GLS: variants seen among roughly 807,000 people sequenced by gnomAD.
GLS encodes glutaminase, also known as glutaminase kidney isoform, mitochondrial.
Under a neutral mutation model 86.7 loss-of-function variants are expected in GLS, and 36 were observed. That is an observed-to-expected ratio of 0.42 (90% CI 0.32 to 0.55). The LOEUF is 0.55. Ranked by LOEUF, GLS falls within the 20% of genes least tolerant of loss-of-function variation. The pLI, the probability that GLS is intolerant of heterozygous loss-of-function variation, is 0.17. For missense variants in GLS, 528 were observed against 833.4 expected (o/e 0.63, Z 4.51); for synonymous variants, 317 against 305.9 (o/e 1.04, Z -0.38).
rs2124852403 is a variant in GLS at position 190,905,233 on chromosome 2, T to A, written c.979+66T>A. 1.1e-6 allele frequency: 1 copy of A among 945,470 alleles called. No homozygotes were observed. Among genetic ancestry groups the A allele is most frequent in the East Asian group, 2.6e-5 (1 of 38,362 alleles). 58.6% of individuals were successfully genotyped at this position (945,470 alleles called of 1,614,324 possible). On this transcript the variant is annotated intron_variant, in intron 6 of 17. Transcript: ENST00000320717. The surrounding 1 kb of genome is among the most constrained non-coding windows in gnomAD (Gnocchi z 4.6). ...CATTTTCCTATGTAAATCTAAGTCGTTTTAAACATTTTTTGATTAAAATTA... is the reference window on the plus strand; with the variant it reads ...CATTTTCCTATGTAAATCTAAGTCGATTTAAACATTTTTTGATTAAAATTA...
chr2:190,917,403 T>C (rs1347484947), intron 7 of GLS, among the ~76,000 whole-genome samples: 1 of 152,208 alleles, frequency 6.6e-6, no homozygotes, highest in African/African-American at 2.4e-5. Context: ...TTCCATCACA[T>C]GTGTGGTTAC....
intron 14 of GLS, among the ~76,000 whole-genome samples, chr2:190,941,385 T>A (rs1222986008): frequency 1.3e-5 from 2 of 152,214 alleles, no homozygotes; most frequent in African/African-American, 2.4e-5. Context: ...ATGTAGTTAC[T>A]AATAAAACTA....
rs1316289196 is a variant in GLS at position 190,901,991 on chromosome 2, G to T, written c.780G>T (p.Leu260Phe). 3.1e-6 allele frequency: 5 copies of T among 1,611,874 alleles called. No individual in the cohort carries two copies. The highest frequency in any genetic ancestry group is 1.6e-4 in the Middle Eastern group (1 of 6,076). The stretch of plus-strand genomic sequence containing the variant: ...AACTGGCCAAATTCAGTCCCGATTT[G>T]TGGGGTGTGTCTGTTTGTACAGTAG... ...IPQLAKFSPD[L>F]WGVSVCTVDG... Residue 260 changes from leucine to phenylalanine, a missense_variant, in exon 5 of 18, where the codon TTG (leucine) becomes TTT (phenylalanine). Transcript: ENST00000320717.
intron 6 of GLS, among the ~76,000 whole-genome samples, chr2:190,909,495 C>T (rs1417112792): frequency 1.3e-5 from 2 of 152,074 alleles, no homozygotes; most frequent in Non-Finnish European, 2.9e-5. Flanking sequence ...TTCTGGTAAC[C>T]ACCAGGTAGA....
chr2:190,904,575 C>G (rs993091001), intron 5 of GLS, among the ~76,000 whole-genome samples: 4 of 151,904 alleles, frequency 2.6e-5, no homozygotes, highest in Non-Finnish European at 4.4e-5. Flanking sequence ...ATATTTGAGC[C>G]AAAAAAGATG....
Position 190,964,406 on chromosome 2 carries a change from T to TA in GLS, c.*1420_*1421insA, listed in dbSNP as rs1691075073. 1.1e-5 allele frequency: 1 copy of TA among 93,168 alleles called. No homozygotes were observed. The highest frequency in any genetic ancestry group is 6.3e-4 in the East Asian group (1 of 1,586). 5.8% of individuals were successfully genotyped at this position (93,168 alleles called of 1,614,324 possible). On this transcript the variant is annotated 3_prime_UTR_variant, in exon 18 of 18. Transcript: ENST00000320717. This position sits in a 1 kb window ranked among gnomAD's most constrained non-coding sequence, Gnocchi z 5.2. ...TGAGCTCAAGTACATGAATGTTAGTTGTTATCACATACAGCAAATTCCTTT... is the reference window on the plus strand; with the variant it reads ...TGAGCTCAAGTACATGAATGTTAGTTAGTTATCACATACAGCAAATTCCTTT...
rs747777429 is a variant in GLS at position 190,962,878 on chromosome 2, T to C, written c.1902T>C (p.Asp634=). 1.9e-6 allele frequency: 3 copies of C among 1,598,302 alleles called. No individual in the cohort carries two copies. The highest frequency in any genetic ancestry group is 2.2e-5 in the East Asian group (1 of 44,558). The part of the protein sequence containing the change: ...MDEALHFGHH[D]VFKILQEYQV... ...AAGCACTGCACTTTGGACACCATGA[T>C]GTATTTAAAATTCTCCAAGAATACC... Residue 634 remains aspartate (D), a synonymous_variant, in exon 18 of 18, where the codon GAT becomes GAC. Coordinates refer to ENST00000320717, the MANE Select transcript of GLS (RefSeq NM_014905.5). This position sits in a 1 kb window ranked among gnomAD's most constrained non-coding sequence, Gnocchi z 4.2.
intron 14 of GLS, among the ~76,000 whole-genome samples, chr2:190,941,080 T>G (rs1690413553): frequency 6.6e-6 from 1 of 152,226 alleles, no homozygotes; most frequent in South Asian, 2.1e-4. Context: ...GATAGGTTCT[T>G]ATTCAACTAA....
chr2:190,933,738 T>A (rs1349975308), intron 14 of GLS: 2 of 810,286 alleles, frequency 2.5e-6, no homozygotes, highest in East Asian at 2.5e-4. Context: ...TGGCAAATTT[T>A]GGTTTTTAGC....
At position 190,918,180 on chromosome 2, in the gene GLS, T is replaced by G. The variant is rs116696917; in HGVS notation, c.1039-2844T>G. Among the ~76,000 whole-genome samples, 470 of 152,344 alleles carry G rather than the reference T, an allele frequency of 3.1e-3. 4 individuals carry two copies. Among genetic ancestry groups the G allele is most frequent in the African/African-American group, 0.011 (443 of 41,590 alleles). ...ACCAGACATTAACTTCTTTTGGCTA[T>G]GAAAGTCATAGATGTCATCTTTCAA... On this transcript the variant is annotated intron_variant, in intron 7 of 17. Transcript: ENST00000320717.
chr2:190,904,934 A>AT, intron 5 of GLS, 70 bp from the exon 6 acceptor site: 1 of 883,194 alleles, frequency 1.1e-6, no homozygotes, highest in Non-Finnish European at 1.8e-6. Flanking sequence ...TGTAAAAAGA[A>AT]TAATTCCAAC....
chr2:190,908,242 T>C (rs989304129), intron 6 of GLS, among the ~76,000 whole-genome samples: 5 of 152,186 alleles, frequency 3.3e-5, no homozygotes, highest in Non-Finnish European at 7.4e-5. Context: ...ATACCGAAAA[T>C]ATAAATATCC....
rs945644154 is a variant in GLS at position 190,920,648 on chromosome 2, G to A, written c.1039-376G>A. 6.6e-5 allele frequency among the ~76,000 whole-genome samples: 10 copies of A among 151,102 alleles called. No homozygotes were observed. The highest frequency in any genetic ancestry group is 8.9e-5 in the Non-Finnish European group (6 of 67,506). The stretch of plus-strand genomic sequence containing the variant: ...ATTTTATATATACTTAATTCTTTTC[G>A]AAGGGTGAAACTTTATTTTAAGTTT... On this transcript the variant is annotated intron_variant, in intron 7 of 17. Transcript: ENST00000320717. This position sits in a 1 kb window ranked among gnomAD's most constrained non-coding sequence, Gnocchi z 4.2.
At chr2:190,948,683 G>T (rs563126357) in intron 14 of GLS, among the ~76,000 whole-genome samples, 1 of 152,158 alleles carries the variant, frequency 6.6e-6, no homozygotes, top group Non-Finnish European at 1.5e-5. Flanking sequence ...AGTGGTGGGG[G>T]AAGTAAGACA....
At chr2:190,908,503 A>G (rs1222706886) in intron 6 of GLS, among the ~76,000 whole-genome samples, 3 of 152,202 alleles carry the variant, frequency 2.0e-5, no homozygotes, top group African/African-American at 2.4e-5. Context: ...GATGTCACCC[A>G]TGTCCATTTT....
intron 14 of GLS, among the ~76,000 whole-genome samples, chr2:190,936,587 TTC>T (rs1690277518): frequency 6.6e-6 from 1 of 151,098 alleles, no homozygotes; most frequent in Admixed American, 6.6e-5. Flanking sequence ...GATTTGTGGT[TTC>T]TGTTACCATT....
chr2:190,888,995 T>TA (rs1688480020), intron 1 of GLS, among the ~76,000 whole-genome samples: 1 of 152,254 alleles, frequency 6.6e-6, no homozygotes, highest in Non-Finnish European at 1.5e-5. Context: ...ATGAATATGC[T>TA]AATGTGTAAA....
At chr2:190,927,268 A>C in intron 11 of GLS, 38 bp from the exon 12 acceptor site, 2 of 1,475,846 alleles carry the variant, frequency 1.4e-6, no homozygotes, top group Non-Finnish European at 1.9e-6. Context: ...CAGTAATATT[A>C]AAAGTAGTAT....
chr2:190,921,192 C>A lies in GLS; in HGVS notation c.1119C>A (p.Phe373Leu). The change falls in exon 9 of 18, where the codon TTC (phenylalanine) becomes TTA (leucine). Residue 373 changes from phenylalanine (F) to leucine (L), a missense_variant. Phe to Leu is a conservative substitution (Grantham distance 22, BLOSUM62 0). This residue lies in a region of GLS where 163 missense variants were observed against 429.2 expected (regional missense o/e 0.38). Transcript: ENST00000320717. This position sits in a 1 kb window ranked among gnomAD's most constrained non-coding sequence, Gnocchi z 4.2. ...NKMAGNEYVG[F>L]SNATFQSERE... Reference sequence around the variant, plus strand: ...TGGCTGGTAATGAATATGTTGGATTCAGTAATGCAACGTGAGTGTTTTAAA... The same window carrying A: ...TGGCTGGTAATGAATATGTTGGATTAAGTAATGCAACGTGAGTGTTTTAAA... 1 of 1,601,828 alleles carries A rather than the reference C, an allele frequency of 6.2e-7. No individual in the cohort carries two copies. The highest frequency in any genetic ancestry group is 1.1e-5 in the South Asian group (1 of 90,760).
Sources: gnomAD v4.1 joint callset for allele counts (sites outside exome capture counted in the v4.1 genomes callset) on GRCh38, gnomAD v4.1.1 for gene constraint, gnomAD v4.1.1 regional missense constraint, Gnocchi (gnomAD v3.1) non-coding constraint, MANE v1.5 for transcripts, NCBI Gene and HGNC (gene_info 2026-07-23, HGNC 2026-07-21) for gene names.